The following ASXL1 variants were observed in gnomAD, a reference collection of about 807,000 sequenced individuals.
The protein encoded by ASXL1 is ASXL transcriptional regulator 1.
In ASXL1, 65 loss-of-function variants were observed where a neutral mutation model predicts 89.1. That is an observed-to-expected ratio of 0.73 (90% CI 0.60 to 0.90). The LOEUF (loss-of-function observed/expected upper bound fraction) is 0.90, where lower values mean the gene tolerates loss of function less well. Ranked by LOEUF, ASXL1 falls within the 40% of genes least tolerant of loss-of-function variation. The pLI, the probability that ASXL1 is intolerant of heterozygous loss-of-function variation, is 0.00. For missense variants in ASXL1, 1,786 were observed against 1,942.9 expected, an observed-to-expected ratio of 0.92 and a Z score of 1.52; for synonymous variants, 739 against 746.9, an observed-to-expected ratio of 0.99 and a Z score of 0.17.
At chr20:32,374,281 A>G (rs977178282) in intron 4 of ASXL1, among the ~76,000 whole-genome samples, 2 of 152,134 alleles carry the variant, frequency 1.3e-5, no homozygotes, top group Admixed American at 6.6e-5. Context: ...GGCATGAGCC[A>G]CTGTGCTCAC....
intron 4 of ASXL1, among the ~76,000 whole-genome samples, chr20:32,410,945 T>A (rs1283585543): frequency 6.8e-6 from 1 of 146,780 alleles, no homozygotes. Flanking sequence ...GGCAGGAGAA[T>A]CGCTTGAACC....
At position 32,431,585 on chromosome 20, in the gene ASXL1, G is replaced by C. The variant is rs760033484; in HGVS notation, c.885G>C (p.Val295=). 1 of 1,614,136 alleles carries C rather than the reference G, an allele frequency of 6.2e-7. No individual in the cohort carries two copies. Among genetic ancestry groups the C allele is most frequent in the Non-Finnish European group, 8.5e-7 (1 of 1,180,030 alleles). ...TTTTTCCCCCTTGATCCTTCTAGGT[G>C]GGGACGGATGGCCTGTTGCGTCTCA... ...LFLLPEVDRQ[V]GTDGLLRLSS... is the part of the protein sequence containing the mutation. The change falls in exon 10 of 13, where the codon GTG becomes GTC. Residue 295 remains valine (V), a splice_region_variant and synonymous_variant. Coordinates refer to ENST00000375687, the MANE Select transcript of ASXL1 (RefSeq NM_015338.6).
intron 10 of ASXL1, chr20:32,432,595 A>G (rs1166153057): frequency 2.6e-6 from 1 of 388,476 alleles, no homozygotes; most frequent in South Asian, 2.2e-5. Flanking sequence ...TTCTAAGAGT[A>G]AACAATCAGG....
rs1332628114 is a variant in ASXL1 at position 32,438,917 on chromosome 20, A to T, written c.*1579A>T. The T allele has an allele frequency of 4.3e-6, 1 of 233,394 alleles. No homozygotes were observed. Among genetic ancestry groups the T allele is most frequent in the Non-Finnish European group, 8.5e-6 (1 of 118,062 alleles). The allele number at this position is 233,394 out of a possible 1,614,324, so 14.5% of individuals were successfully genotyped here. A position where few individuals can be genotyped will look rare whatever the true frequency, so the allele number is the denominator to read the frequency against. On this transcript the variant is annotated 3_prime_UTR_variant, in exon 13 of 13. Transcript: ENST00000375687. ...TTTCCCTTGCCTTGTTTCCTGCCTTATATCTTGTATTTCGACTTATTACAG... is the reference window on the plus strand; with the variant it reads ...TTTCCCTTGCCTTGTTTCCTGCCTTTTATCTTGTATTTCGACTTATTACAG...
intron 4 of ASXL1, 187 bp from the exon 5 acceptor site, chr20:32,427,941 G>T: frequency 1.3e-6 from 1 of 779,490 alleles, no homozygotes; most frequent in Non-Finnish European, 2.1e-6. Flanking sequence ...ATGCAAAAGT[G>T]TATCTAACTT....
intron 4 of ASXL1, among the ~76,000 whole-genome samples, chr20:32,384,832 A>G (rs968246021): frequency 1.3e-5 from 2 of 152,160 alleles, no homozygotes; most frequent in Non-Finnish European, 2.9e-5. Context: ...CAGGATGCTT[A>G]CTTCAGAGGT....
In ASXL1 at chr20:32,367,457, G is replaced by A. The variant is rs376885916; in HGVS notation, c.141-270G>A. 8.9e-4 allele frequency among the ~76,000 whole-genome samples: 136 copies of A among 152,294 alleles called. No individual in the cohort carries two copies. The South Asian group carries it at 0.027, about 30-fold the overall frequency. ...AGAGCACTACACAGTCCTTGCCTGG[G>A]ACTCAGAGCAAACTTCATGTTTTTG... On this transcript the variant is annotated intron_variant, in intron 2 of 12. Coordinates refer to ENST00000375687, the MANE Select transcript of ASXL1 (RefSeq NM_015338.6).
chr20:32,394,369 C>T (rs1413218254), intron 4 of ASXL1, among the ~76,000 whole-genome samples: 1 of 152,162 alleles, frequency 6.6e-6, no homozygotes, highest in Non-Finnish European at 1.5e-5. Context: ...AATTCCTGAC[C>T]TCAAGTGATC....
At chr20:32,418,740 A>G (rs757471613) in intron 4 of ASXL1, among the ~76,000 whole-genome samples, 1 of 150,544 alleles carries the variant, frequency 6.6e-6, no homozygotes, top group Non-Finnish European at 1.5e-5. Flanking sequence ...AAAATTCTGT[A>G]AAAGATCGTG....
intron 4 of ASXL1, among the ~76,000 whole-genome samples, chr20:32,374,773 G>A (rs2048350455): frequency 6.6e-6 from 1 of 152,112 alleles, no homozygotes; most frequent in African/African-American, 2.4e-5. Flanking sequence ...ATCTGAACCA[G>A]CTGATTACCA....
intron 4 of ASXL1, among the ~76,000 whole-genome samples, chr20:32,381,697 G>A (rs2048488718): frequency 6.6e-6 from 1 of 151,448 alleles, no homozygotes; most frequent in South Asian, 2.1e-4. Flanking sequence ...TATATTTTTA[G>A]TAGAGACGGG....
At position 32,401,958 on chromosome 20, in the gene ASXL1, T is replaced by G. The variant is rs538862526; in HGVS notation, c.253-26170T>G. 2.0e-5 allele frequency among the ~76,000 whole-genome samples: 3 copies of G among 152,228 alleles called. No individual in the cohort carries two copies. In the East Asian group the frequency reaches 5.8e-4, roughly 29 times the overall value. The stretch of plus-strand genomic sequence containing the variant: ...TAACAATATACTATAATAAAAGTTA[T>G]GTGAATGTTGTTTCTCTCTCAAAAT... On this transcript the variant is annotated intron_variant, in intron 4 of 12. Coordinates refer to ENST00000375687, the MANE Select transcript of ASXL1 (RefSeq NM_015338.6).
chr20:32,367,828 T>G, intron 3 of ASXL1, 99 bp downstream of exon 3: 1 of 772,520 alleles, frequency 1.3e-6, no homozygotes, highest in East Asian at 2.4e-5. Flanking sequence ...TGGCTCATGA[T>G]GAGTGAGCAG....
chr20:32,431,559 T>G (rs534292513), intron 9 of ASXL1, 24 bp from the exon 10 acceptor site: 3 of 1,613,784 alleles, frequency 1.9e-6, no homozygotes, highest in East Asian at 4.5e-5. Context: ...TTATTAGGAT[T>G]TTTTTCCCCC....
At chr20:32,426,536 GTTTTCTTTTTTTTCTTTCTT>G (rs2011293125) in intron 4 of ASXL1, among the ~76,000 whole-genome samples, 2 of 98,792 alleles carry the variant, frequency 2.0e-5, no homozygotes, top group Admixed American at 1.1e-4. Context: ...GTAGAAAACT[GTTTTCTTTTTTTTCTTTCTT>G]TTTTTTTTTT....
At position 32,436,086 on chromosome 20, in the gene ASXL1, C is replaced by T. The variant is rs1258611317; in HGVS notation, c.3374C>T (p.Ala1125Val). 4.4e-5 allele frequency: 71 copies of T among 1,614,068 alleles called. No homozygotes were observed. Among genetic ancestry groups the T allele is most frequent in the Non-Finnish European group, 5.8e-5 (69 of 1,180,056 alleles). Residue 1125 changes from alanine (A) to valine (V), a missense_variant, in exon 13 of 13, where the codon GCC becomes GTC. Around this residue, in one of 3 missense-constraint regions of ASXL1, gnomAD observed 1,418 missense variants for 1,427.8 expected, o/e 0.99. Transcript: ENST00000375687. The stretch of plus-strand genomic sequence containing the variant: ...CCCCTAGAGAAGGTTCTTCCACCAG[C>T]CCACGATGACAGCATGTCAGAATCC... ...SLPLEKVLPP[A>V]HDDSMSESPQ...
chr20:32,434,589 G>T lies in ASXL1; in HGVS notation c.1877G>T (p.Gly626Val). The T allele has an allele frequency of 6.2e-7, 1 of 1,613,154 alleles. No homozygotes were observed. Among genetic ancestry groups the T allele is most frequent in the Non-Finnish European group, 8.5e-7 (1 of 1,179,908 alleles). ...AAAGCCCGTGCTCTGCAGGTCCGAGGGGCGAGAGGTCACCACTGCCATAGA... is the reference window on the plus strand; with the variant it reads ...AAAGCCCGTGCTCTGCAGGTCCGAGTGGCGAGAGGTCACCACTGCCATAGA... ...DIKARALQVRGARGHHCHREA... is the reference protein window; with the variant it reads ...DIKARALQVRVARGHHCHREA... Residue 626 changes from glycine to valine, a missense_variant, in exon 13 of 13, where the codon GGG (glycine) becomes GTG (valine). Transcript: ENST00000375687.
At chr20:32,380,929 A>G (rs1017693466) in intron 4 of ASXL1, among the ~76,000 whole-genome samples, 2 of 152,160 alleles carry the variant, frequency 1.3e-5, no homozygotes, top group Non-Finnish European at 2.9e-5. Context: ...TGCAAGTCAC[A>G]TCATGTCACT....
At chr20:32,376,892 A>G (rs1328985105) in intron 4 of ASXL1, among the ~76,000 whole-genome samples, 1 of 143,040 alleles carries the variant, frequency 7.0e-6, no homozygotes, top group African/African-American at 2.6e-5. Context: ...ATATTTATAA[A>G]ATAAAAATAA....
Sources: allele counts gnomAD v4.1 joint callset (sites outside exome capture counted in the v4.1 genomes callset), GRCh38; gene constraint gnomAD v4.1.1; regional missense constraint gnomAD v4.1.1; transcripts MANE v1.5; gene names NCBI Gene and HGNC (gene_info 2026-07-23, HGNC 2026-07-21).